CSMD1: variants seen among roughly 807,000 people sequenced by gnomAD.
The protein encoded by CSMD1 is CUB and Sushi multiple domains 1.
A neutral mutation model predicts 417.5 loss-of-function variants in CSMD1; 213 were observed. The observed-to-expected ratio is 0.51, with a 90% CI of 0.46 to 0.57. The LOEUF (loss-of-function observed/expected upper bound fraction) is 0.57. Ranked by LOEUF, CSMD1 falls within the 20% of genes least tolerant of loss-of-function variation. CSMD1 has a pLI of 0.00. For missense variants in CSMD1, 6,923 were observed against 4,529.7 expected (o/e 1.53, Z -15.17); for synonymous variants, 2,862 against 1,736.8 (o/e 1.65, Z -16.11).
At chr8:4,321,205 C>T (rs974461005) in intron 3 of CSMD1, among the ~76,000 whole-genome samples, 5 of 152,058 alleles carry the variant, frequency 3.3e-5, no homozygotes, top group African/African-American at 1.2e-4. Context: ...CATGTGTGTC[C>T]AGTGCATGAA....
At chr8:4,068,440 T>A (rs537162751) in intron 3 of CSMD1, among the ~76,000 whole-genome samples, 2 of 152,204 alleles carry the variant, frequency 1.3e-5, no homozygotes, top group East Asian at 1.9e-4. Context: ...GAAAATTAAA[T>A]GTATATTTTT....
chr8:4,547,388 T>C (rs1220012203), intron 2 of CSMD1, among the ~76,000 whole-genome samples: 2 of 152,250 alleles, frequency 1.3e-5, no homozygotes, highest in Non-Finnish European at 2.9e-5. Flanking sequence ...TACTTTCTTC[T>C]TTTATATTTG....
At chr8:4,050,063 C>G (rs530226325) in intron 3 of CSMD1, among the ~76,000 whole-genome samples, 73 of 152,220 alleles carry the variant, frequency 4.8e-4, no homozygotes, top group African/African-American at 1.6e-3. Flanking sequence ...TCCTGTGGAA[C>G]TTGTCTGGTG....
intron 16 of CSMD1, among the ~76,000 whole-genome samples, chr8:3,398,567 C>G (rs1176255079): frequency 6.6e-6 from 1 of 152,138 alleles, no homozygotes; most frequent in East Asian, 1.9e-4. Context: ...TCTTGAGACA[C>G]CATAATATTC....
chr8:4,419,846 G>A lies in CSMD1; in HGVS notation c.415+107C>T, dbSNP rs1725131. ...ACAGAAGCCAAATGTCTACACCACG[G>A]AACGACCTGCGACATAGCAGCCTAG... On this transcript the variant is annotated intron_variant, in intron 3 of 69. Coordinates refer to ENST00000635120, the MANE Select transcript of CSMD1 (RefSeq NM_033225.6). The A allele has an allele frequency of 5.1e-3, 3,868 of 761,532 alleles. 107 individuals carry two copies. In the African/African-American group the frequency reaches 0.058, roughly 11 times the overall value. The allele number at this position is 761,532 out of a possible 1,614,324, so 47.2% of individuals were successfully genotyped here. A position where few individuals can be genotyped will look rare whatever the true frequency, so the allele number is the denominator to read the frequency against.
intron 41 of CSMD1, among the ~76,000 whole-genome samples, chr8:3,131,371 TAAATA>T (rs892916994): frequency 5.4e-4 from 80 of 149,010 alleles, no homozygotes; most frequent in African/African-American, 1.8e-3. Context: ...AAAAAATAAA[TAAATA>T]AAATAAAATA....
At position 4,658,659 on chromosome 8, in the gene CSMD1, C is replaced by A. The variant is rs542101449; in HGVS notation, c.86-21101G>T. Among the ~76,000 whole-genome samples the A allele has an allele frequency of 7.9e-4, 120 of 152,148 alleles. 1 individual carries two copies. Among genetic ancestry groups the A allele is most frequent in the African/African-American group, 2.9e-3 (119 of 41,492 alleles). The stretch of plus-strand genomic sequence containing the variant: ...AAAGACTTCGGAAAGTAAAGCAATG[C>A]CGTTAGAAAAATTAAAAACTACAAT... On this transcript the variant is annotated intron_variant, in intron 1 of 69. Transcript: ENST00000635120.
At chr8:3,602,378 T>C (rs982257246) in intron 8 of CSMD1, among the ~76,000 whole-genome samples, 7 of 152,150 alleles carry the variant, frequency 4.6e-5, no homozygotes, top group Admixed American at 3.3e-4. Flanking sequence ...GAAAGCAAAA[T>C]GAATCACCTG....
At chr8:4,498,361 T>C (rs1013840984) in intron 2 of CSMD1, among the ~76,000 whole-genome samples, 2 of 152,220 alleles carry the variant, frequency 1.3e-5, no homozygotes, top group African/African-American at 4.8e-5. Flanking sequence ...TGTATTTATA[T>C]AATCTTATAT....
chr8:3,364,815 T>C (rs370082782), intron 20 of CSMD1, among the ~76,000 whole-genome samples: 1 of 152,210 alleles, frequency 6.6e-6, no homozygotes, highest in African/African-American at 2.4e-5. Context: ...ATTTCTGTTA[T>C]TTATAAATTA....
chr8:3,857,462 T>G (rs1290428533), intron 5 of CSMD1, among the ~76,000 whole-genome samples: 2 of 152,184 alleles, frequency 1.3e-5, no homozygotes, highest in Non-Finnish European at 2.9e-5. Context: ...GGAGAACTTC[T>G]GGACAAATAT....
At chr8:4,674,303 C>A (rs548420873) in intron 1 of CSMD1, among the ~76,000 whole-genome samples, 5 of 152,042 alleles carry the variant, frequency 3.3e-5, no homozygotes, top group South Asian at 4.2e-4. Flanking sequence ...AGGGATGGAC[C>A]TGGATTGAGG....
At chr8:3,734,418 T>A (rs186661525) in intron 6 of CSMD1, among the ~76,000 whole-genome samples, 10 of 152,302 alleles carry the variant, frequency 6.6e-5, no homozygotes, top group South Asian at 2.1e-4. Context: ...CAATTTAAAA[T>A]ACAGAAACTC....
intron 12 of CSMD1, among the ~76,000 whole-genome samples, chr8:3,459,282 C>T (rs1183150026): frequency 6.6e-6 from 1 of 152,062 alleles, no homozygotes; most frequent in South Asian, 2.1e-4. Context: ...CAGGGTGAGG[C>T]GAGGAGAGAC....
intron 2 of CSMD1, among the ~76,000 whole-genome samples, chr8:4,514,718 G>A (rs4875354): frequency 0.98 from 148,687 of 152,258 alleles, 72,676 homozygotes; most frequent in East Asian, 1. Flanking sequence ...AATTAAACCT[G>A]CTATTAGTAA....
chr8:4,941,544 G>C (rs753573247), intron 1 of CSMD1, among the ~76,000 whole-genome samples: 1 of 151,686 alleles, frequency 6.6e-6, no homozygotes, highest in Non-Finnish European at 1.5e-5. Flanking sequence ...TGCAGTCTTT[G>C]TCAATTTTTT....
intron 1 of CSMD1, among the ~76,000 whole-genome samples, chr8:4,881,392 A>T (rs970470217): frequency 6.6e-6 from 1 of 151,922 alleles, no homozygotes; most frequent in Non-Finnish European, 1.5e-5. Context: ...ATATAGTTGA[A>T]CAAATATACC....
At chr8:3,316,483 G>C (rs1201653259) in intron 23 of CSMD1, among the ~76,000 whole-genome samples, 1 of 152,046 alleles carries the variant, frequency 6.6e-6, no homozygotes, top group Non-Finnish European at 1.5e-5. Flanking sequence ...AGGTTGAGAG[G>C]GACAAAGGAA....
intron 2 of CSMD1, among the ~76,000 whole-genome samples, chr8:4,633,229 G>A (rs1326780252): frequency 6.6e-6 from 1 of 151,710 alleles, no homozygotes; most frequent in African/African-American, 2.4e-5. Flanking sequence ...ATGGAAAGGT[G>A]TTTTTTTATG....
Sources: allele counts gnomAD v4.1 joint callset (sites outside exome capture counted in the v4.1 genomes callset), GRCh38; gene constraint gnomAD v4.1.1; transcripts MANE v1.5; gene names NCBI Gene and HGNC (gene_info 2026-07-23, HGNC 2026-07-21).